CNTRL: variants seen among roughly 807,000 people sequenced by gnomAD.
CNTRL encodes the protein centriolin, also known as 110 kDa centrosomal protein.
Under a neutral mutation model 303.7 loss-of-function variants are expected in CNTRL, and 233 were observed. The observed-to-expected ratio is 0.77, with a 90% CI of 0.69 to 0.86. The LOEUF (loss-of-function observed/expected upper bound fraction) is 0.86, where lower values mean the gene tolerates loss of function less well. Ranked by LOEUF, CNTRL falls within the 40% of genes least tolerant of loss-of-function variation. The probability of loss-of-function intolerance (pLI) is 0.00; values close to 1 mark genes in which losing one functional copy is unlikely to be tolerated. For missense variants in CNTRL, 2,524 were observed against 2,650.6 expected, an observed-to-expected ratio of 0.95 and a Z score of 1.05; for synonymous variants, 900 against 922.2, an observed-to-expected ratio of 0.98 and a Z score of 0.44.
intron 2 of CNTRL, among the ~76,000 whole-genome samples, chr9:121,083,546 G>C (rs538506537): frequency 1.7e-3 from 253 of 152,180 alleles, no homozygotes; most frequent in African/African-American, 5.8e-3. Context: ...TGATAACAGT[G>C]TTATGTTCTG....
Position 121,148,828 on chromosome 9 carries a change from A to T in CNTRL, c.3616A>T (p.Arg1206Trp), listed in dbSNP as rs764730114. 1.2e-6 allele frequency: 2 copies of T among 1,613,614 alleles called. No homozygotes were observed. The highest frequency in any genetic ancestry group is 3.3e-5 in the Admixed American group (2 of 59,998). Residue 1206 changes from arginine (R) to tryptophan (W), a missense_variant, in exon 24 of 44, where the codon AGG (arginine) becomes TGG (tryptophan). Physicochemically the swap from Arg to Trp is moderately radical, Grantham distance 101. Transcript: ENST00000373855. ...ASGYWVYSPI[R>W]SGLHKLFPSR... The stretch of plus-strand genomic sequence containing the variant: ...AGGATACTGGGTTTATTCTCCCATC[A>T]GGAGTGGGTTACATAAACTGTTTCC...
At chr9:121,092,683 CTATA>C (rs377336498) in intron 4 of CNTRL, among the ~76,000 whole-genome samples, 1 of 15,594 alleles carries the variant, frequency 6.4e-5, no homozygotes, top group African/African-American at 1.8e-4. Context: ...TAATATATAT[CTATA>C]TATATAATAT....
intron 8 of CNTRL, among the ~76,000 whole-genome samples, chr9:121,110,002 T>G (rs1171794666): frequency 2.0e-5 from 3 of 152,160 alleles, no homozygotes; most frequent in Non-Finnish European, 4.4e-5. Flanking sequence ...AAAAACATTT[T>G]TATTATCTTT....
chr9:121,169,527 A>G, intron 38 of CNTRL, 84 bp from the exon 39 acceptor site: 5 of 1,298,080 alleles, frequency 3.9e-6, no homozygotes, highest in Non-Finnish European at 5.5e-6. Context: ...TATCACCATT[A>G]TGCATCTGCC....
In CNTRL at chr9:121,113,583, A is replaced by G; in HGVS notation, c.1204A>G (p.Ser402Gly). Residue 402 changes from serine (S) to glycine (G), a missense_variant, in exon 10 of 44, where the codon AGT becomes GGT. By Grantham distance (56) the Ser-to-Gly change is moderately conservative. Coordinates refer to ENST00000373855, the MANE Select transcript of CNTRL (RefSeq NM_007018.6). ...RYKRNMFATE[S>G]YIIDSAQAVQ... ...CAAGAGAAATATGTTTGCCACAGAG[A>G]GTTATATTATTGACAGTGCTCAGGC... is the stretch of plus-strand genomic sequence containing the variant. 6.2e-7 allele frequency: 1 copy of G among 1,609,944 alleles called. No individual in the cohort carries two copies. Among genetic ancestry groups the G allele is most frequent in the Non-Finnish European group, 8.5e-7 (1 of 1,178,766 alleles).
intron 14 of CNTRL, among the ~76,000 whole-genome samples, chr9:121,131,549 G>C (rs797012273): frequency 3.3e-5 from 5 of 152,284 alleles, no homozygotes; most frequent in African/African-American, 1.2e-4. Context: ...TGGGTCTCCT[G>C]AATATAGCAC....
chr9:121,143,377 T>C (rs1167610985), intron 19 of CNTRL, among the ~76,000 whole-genome samples: 1 of 152,228 alleles, frequency 6.6e-6, no homozygotes, highest in Non-Finnish European at 1.5e-5. Flanking sequence ...CTTCTACTCA[T>C]GACCCTGCTC....
intron 2 of CNTRL, among the ~76,000 whole-genome samples, chr9:121,083,914 A>G (rs2048244322): frequency 1.3e-5 from 2 of 152,244 alleles, no homozygotes; most frequent in African/African-American, 4.8e-5. Flanking sequence ...TGACCAAAAC[A>G]TTGTTATGTG....
At position 121,150,478 on chromosome 9, in the gene CNTRL, A is replaced by T; in HGVS notation, c.3958A>T (p.Asn1320Tyr). 2 of 1,613,972 alleles carry T rather than the reference A, an allele frequency of 1.2e-6. No individual in the cohort carries two copies. The highest frequency in any genetic ancestry group is 1.7e-6 in the Non-Finnish European group (2 of 1,179,882). The stretch of plus-strand genomic sequence containing the variant: ...GCATTGCAACGTCCCTGAACACCAT[A>T]ACTTAGTAAGTGGAAAGACATACAA... ...VLHCNVPEHH[N>Y]LENEVSRLED... The change falls in exon 25 of 44, where the codon AAC becomes TAC. Residue 1320 changes from asparagine (N) to tyrosine (Y), a missense_variant. By Grantham distance (143) the Asn-to-Tyr change is moderately radical. Coordinates refer to ENST00000373855, the MANE Select transcript of CNTRL (RefSeq NM_007018.6).
In CNTRL at chr9:121,098,468, A is replaced by G. The variant is rs760483028; in HGVS notation, c.704A>G (p.His235Arg). ...LVENPVVTLP[H>R]YLQFTIFHLR... is the part of the protein sequence containing the mutation. ...GAAAATCCAGTTGTGACCCTTCCTC[A>G]TTACCTCCAGTTTACCATTTTCCAC... The change falls in exon 7 of 44, where the codon CAT becomes CGT. Residue 235 changes from histidine (H) to arginine (R), a missense_variant. His to Arg is a conservative substitution (Grantham distance 29, BLOSUM62 0). Coordinates refer to ENST00000373855, the MANE Select transcript of CNTRL (RefSeq NM_007018.6). 7 of 1,613,812 alleles carry G rather than the reference A, an allele frequency of 4.3e-6. No homozygotes were observed. Among genetic ancestry groups the G allele is most frequent in the South Asian group, 1.1e-5 (1 of 91,072 alleles).
intron 3 of CNTRL, 37 bp downstream of exon 3, chr9:121,088,580 T>TA (rs1419471038): frequency 1.5e-6 from 2 of 1,377,368 alleles, no homozygotes; most frequent in Non-Finnish European, 2.0e-6. Flanking sequence ...TCTGACCACA[T>TA]ACTTCAAGTA....
intron 15 of CNTRL, 22 bp downstream of exon 15, chr9:121,136,004 A>G (rs2051170024): frequency 6.4e-7 from 1 of 1,568,574 alleles, no homozygotes. Context: ...CATGAAGCCA[A>G]CTGCAAACTA....
intron 12 of CNTRL, among the ~76,000 whole-genome samples, chr9:121,118,996 A>G (rs1564227667): frequency 1.3e-5 from 2 of 152,108 alleles, no homozygotes; most frequent in African/African-American, 4.8e-5. Context: ...TGAATCCCCC[A>G]TGGATACTGA....
intron 22 of CNTRL, 147 bp downstream of exon 22, chr9:121,145,532 T>C (rs895087253): frequency 5.1e-6 from 4 of 781,858 alleles, no homozygotes; most frequent in South Asian, 2.2e-5. Flanking sequence ...TAAAATAAAA[T>C]AAATCAGATA....
chr9:121,093,098 C>T (rs865999599), intron 4 of CNTRL, among the ~76,000 whole-genome samples: 1 of 151,778 alleles, frequency 6.6e-6, no homozygotes, highest in Non-Finnish European at 1.5e-5. Flanking sequence ...TGAGCCACCG[C>T]GCCCTGCCAT....
chr9:121,177,180 C>A lies in CNTRL; in HGVS notation c.6972C>A (p.Ala2324=), dbSNP rs1288721396. 6.2e-7 allele frequency: 1 copy of A among 1,610,406 alleles called. No individual in the cohort carries two copies. The highest frequency in any genetic ancestry group is 1.7e-5 in the Admixed American group (1 of 59,824). The change falls in exon 44 of 44, where the codon GCC becomes GCA. Residue 2324 remains alanine, a synonymous_variant. Coordinates refer to ENST00000373855, the MANE Select transcript of CNTRL (RefSeq NM_007018.6). The part of the protein sequence containing the change: ...LGQNQEKNAS[A]R ...TACTGTAGGAAAAGAATGCCTCAGC[C>A]AGATGAGGAATACTGTCTTGTGTAA...
At chr9:121,173,649 A>C in intron 41 of CNTRL, 26 bp from the exon 42 acceptor site, 1 of 1,613,452 alleles carries the variant, frequency 6.2e-7, no homozygotes, top group Non-Finnish European at 8.5e-7. Flanking sequence ...ATGATTCATG[A>C]TATCTCTATT....
chr9:121,175,618 A>G lies in CNTRL; in HGVS notation c.6954+394A>G, dbSNP rs1301706759. 2.6e-5 allele frequency among the ~76,000 whole-genome samples: 4 copies of G among 152,338 alleles called. No homozygotes were observed. In the East Asian group the frequency reaches 7.7e-4, roughly 29 times the overall value. ...TTAATATATTACATAGAAAGTACTT[A>G]AAAGCCGTGGGGTGTATAATCTAGA... is the stretch of plus-strand genomic sequence containing the variant. On this transcript the variant is annotated intron_variant, in intron 43 of 43. Transcript: ENST00000373855.
chr9:121,169,553 C>G, intron 38 of CNTRL, 58 bp from the exon 39 acceptor site: 1 of 1,537,880 alleles, frequency 6.5e-7, no homozygotes, highest in Non-Finnish European at 9.0e-7. Flanking sequence ...GGAAGGGGAG[C>G]TCTGCCCACA....
Sources: allele counts gnomAD v4.1 joint callset (sites outside exome capture counted in the v4.1 genomes callset), GRCh38; gene constraint gnomAD v4.1.1; transcripts MANE v1.5; gene names NCBI Gene and HGNC (gene_info 2026-07-23, HGNC 2026-07-21).